The following CDH13 variants were observed in gnomAD, a reference collection of about 807,000 sequenced individuals.
CDH13 encodes cadherin-13.
In CDH13, 24 loss-of-function variants were observed where a neutral mutation model predicts 63.8. The ratio of observed to expected loss-of-function variants is 0.38; its 90% CI spans 0.27 to 0.53. The LOEUF (loss-of-function observed/expected upper bound fraction) is 0.53. Among genes scored for constraint, CDH13 ranks in the 20% least tolerant of loss-of-function variants. The pLI, the probability that CDH13 is intolerant of heterozygous loss-of-function variation, is 0.85. For missense variants in CDH13, 1,049 were observed against 903.1 expected, an observed-to-expected ratio of 1.16 and a Z score of -2.07; for synonymous variants, 503 against 355.3, an observed-to-expected ratio of 1.42 and a Z score of -4.67.
chr16:83,278,894 C>G (rs941467880), intron 5 of CDH13, among the ~76,000 whole-genome samples: 1 of 152,288 alleles, frequency 6.6e-6, no homozygotes, highest in Middle Eastern at 3.4e-3. Flanking sequence ...GAACCTTAGT[C>G]TCATAATCAG....
intron 6 of CDH13, among the ~76,000 whole-genome samples, chr16:83,421,791 G>T (rs1229018573): frequency 2.0e-5 from 3 of 152,144 alleles, no homozygotes; most frequent in African/African-American, 4.8e-5. Context: ...GGCCACAGTG[G>T]AATTAACGAC....
chr16:83,095,636 A>T (rs2034156484), intron 3 of CDH13, among the ~76,000 whole-genome samples: 1 of 152,250 alleles, frequency 6.6e-6, no homozygotes, highest in Non-Finnish European at 1.5e-5. Flanking sequence ...GGCATATGGT[A>T]GATGCTCAAC....
At chr16:83,590,465 G>T (rs943057291) in intron 7 of CDH13, among the ~76,000 whole-genome samples, 2 of 152,186 alleles carry the variant, frequency 1.3e-5, no homozygotes, top group Non-Finnish European at 2.9e-5. Flanking sequence ...CGGCCAGGTT[G>T]TGGGGAAGAT....
chr16:83,329,686 C>T (rs528983468), intron 5 of CDH13, among the ~76,000 whole-genome samples: 4 of 152,252 alleles, frequency 2.6e-5, no homozygotes, highest in African/African-American at 9.6e-5. Flanking sequence ...CCTTTGCCCC[C>T]TTTCTGTGTC....
At chr16:83,110,837 G>A (rs1597355799) in intron 3 of CDH13, among the ~76,000 whole-genome samples, 1 of 151,992 alleles carries the variant, frequency 6.6e-6, no homozygotes, top group East Asian at 1.9e-4. Context: ...AAAACCTTGG[G>A]ACCCTGGAGC....
At chr16:83,200,857 A>G (rs926902828) in intron 4 of CDH13, among the ~76,000 whole-genome samples, 6 of 151,438 alleles carry the variant, frequency 4.0e-5, no homozygotes, top group South Asian at 2.1e-4. Context: ...TATTCATCCA[A>G]GTTGATCTCA....
At chr16:82,744,174 T>C (rs1488314076) in intron 1 of CDH13, among the ~76,000 whole-genome samples, 1 of 152,218 alleles carries the variant, frequency 6.6e-6, no homozygotes, top group Non-Finnish European at 1.5e-5. Flanking sequence ...GATGGCAGCC[T>C]CTGCCAGCAT....
At chr16:83,014,886 GTA>G (rs531930602) in intron 2 of CDH13, among the ~76,000 whole-genome samples, 18 of 133,148 alleles carry the variant, frequency 1.4e-4, no homozygotes, top group African/African-American at 2.0e-4. Flanking sequence ...ATATGTTTGT[GTA>G]TATATATATG....
chr16:83,587,215 G>A (rs1325221516), intron 7 of CDH13, among the ~76,000 whole-genome samples: 3 of 152,298 alleles, frequency 2.0e-5, no homozygotes, highest in South Asian at 4.2e-4. Context: ...TCGAGGGAAC[G>A]GAGGATGAAT....
At chr16:83,555,950 A>G (rs2075592068) in intron 7 of CDH13, among the ~76,000 whole-genome samples, 1 of 152,228 alleles carries the variant, frequency 6.6e-6, no homozygotes, top group Non-Finnish European at 1.5e-5. Flanking sequence ...TGGGCTCATT[A>G]GAGATAGACA....
intron 2 of CDH13, among the ~76,000 whole-genome samples, chr16:82,975,455 C>G (rs573147859): frequency 1.0e-3 from 152 of 152,328 alleles, no homozygotes; most frequent in African/African-American, 3.4e-3. Flanking sequence ...CTTAACCTCT[C>G]TGATCCTTGG....
chr16:82,829,676 G>A (rs1350569190), intron 1 of CDH13: 1 of 152,068 alleles, frequency 6.6e-6, no homozygotes, highest in African/African-American at 2.4e-5. Flanking sequence ...TGTTTGGTAT[G>A]TGAAAGGATT....
At chr16:82,792,568 A>G (rs534299648) in intron 1 of CDH13, among the ~76,000 whole-genome samples, 2 of 152,264 alleles carry the variant, frequency 1.3e-5, no homozygotes, top group South Asian at 2.1e-4. Context: ...CCTCTAGACT[A>G]TAAGGCCCCC....
chr16:82,859,028 TA>T (rs2039820425), intron 2 of CDH13: 2 of 153,032 alleles, frequency 1.3e-5, no homozygotes, highest in Admixed American at 1.3e-4. Flanking sequence ...CCAATTGATT[TA>T]TTTAAAATAT....
At chr16:83,229,672 G>T (rs568986922) in intron 5 of CDH13, among the ~76,000 whole-genome samples, 2 of 152,026 alleles carry the variant, frequency 1.3e-5, no homozygotes, top group Admixed American at 6.6e-5. Flanking sequence ...GATCATTTCC[G>T]TATTTTTCTT....
At chr16:83,042,010 C>T (rs1194189437) in intron 3 of CDH13, among the ~76,000 whole-genome samples, 1 of 152,210 alleles carries the variant, frequency 6.6e-6, no homozygotes, top group East Asian at 1.9e-4. Context: ...AATACTTTTG[C>T]ACATTTGTTA....
At chr16:82,836,878 T>C (rs891971774) in intron 1 of CDH13, among the ~76,000 whole-genome samples, 1 of 152,234 alleles carries the variant, frequency 6.6e-6, no homozygotes, top group Non-Finnish European at 1.5e-5. Context: ...GACAGAGTTA[T>C]TCAGTCGGTG....
At chr16:83,104,370 T>G (rs970079703) in intron 3 of CDH13, among the ~76,000 whole-genome samples, 1 of 152,014 alleles carries the variant, frequency 6.6e-6, no homozygotes, top group Non-Finnish European at 1.5e-5. Flanking sequence ...GAATAGAGGT[T>G]GGGGCTGAAT....
At chr16:82,931,513 C>CTTTTTTT (rs11442675) in intron 2 of CDH13, among the ~76,000 whole-genome samples, 1 of 144,364 alleles carries the variant, frequency 6.9e-6, no homozygotes, top group Admixed American at 6.9e-5. Flanking sequence ...AGGTCCCCCC[C>CTTTTTTT]TTTTTTTTTT....
Sources: gnomAD v4.1 joint callset for allele counts (sites outside exome capture counted in the v4.1 genomes callset) on GRCh38, gnomAD v4.1.1 for gene constraint, MANE v1.5 for transcripts, NCBI Gene and HGNC (gene_info 2026-07-23, HGNC 2026-07-21) for gene names.